PHF21A: variants seen among roughly 807,000 people sequenced by gnomAD.
PHF21A encodes BHC80a.
A neutral mutation model predicts 82.5 loss-of-function variants in PHF21A; 11 were observed. The observed-to-expected ratio is 0.13, with a 90% CI of 0.08 to 0.22. The LOEUF is 0.22. Ranked by LOEUF, PHF21A falls within the 10% of genes least tolerant of loss-of-function variation. The pLI, the probability that PHF21A is intolerant of heterozygous loss-of-function variation, is 1.00. For synonymous variants in PHF21A, 297 were observed against 302.8 expected (o/e 0.98, Z 0.20); for missense variants, 579 against 837.8 (o/e 0.69, Z 3.81).
intron 6 of PHF21A, among the ~76,000 whole-genome samples, chr11:46,016,522 A>G (rs2095520446): frequency 6.6e-6 from 1 of 152,098 alleles, no homozygotes; most frequent in Admixed American, 6.6e-5. Context: ...CCCATTCTAG[A>G]AGACCTAGAT....
intron 15 of PHF21A, 75 bp from the exon 16 acceptor site, chr11:45,938,387 T>C (rs1486393161): frequency 8.5e-7 from 1 of 1,181,672 alleles, no homozygotes; most frequent in South Asian, 1.4e-5. Context: ...ACATTCTAGA[T>C]GCATATAAAT....
chr11:45,956,709 G>T (rs2092667412), intron 10 of PHF21A, among the ~76,000 whole-genome samples: 1 of 152,000 alleles, frequency 6.6e-6, no homozygotes, highest in African/African-American at 2.4e-5. Context: ...GCATGAAAAT[G>T]ACACACTAAG....
At chr11:46,046,293 T>C (rs1592445329) in intron 6 of PHF21A, among the ~76,000 whole-genome samples, 1 of 152,278 alleles carries the variant, frequency 6.6e-6, no homozygotes, top group Middle Eastern at 3.4e-3. Flanking sequence ...GCCATCCTCC[T>C]ATGGGGCAGC....
chr11:46,062,288 T>C (rs1355785834), intron 6 of PHF21A, among the ~76,000 whole-genome samples: 1 of 152,136 alleles, frequency 6.6e-6, no homozygotes, highest in African/African-American at 2.4e-5. Flanking sequence ...TGGCTGGTTT[T>C]CTCTTCTCCA....
chr11:45,984,468 T>C (rs1467743975), intron 6 of PHF21A, among the ~76,000 whole-genome samples: 1 of 152,200 alleles, frequency 6.6e-6, no homozygotes, highest in Non-Finnish European at 1.5e-5. Context: ...CCAAGACAGG[T>C]AGTCACGGTG....
chr11:45,954,633 C>T (rs1565234804), intron 10 of PHF21A, among the ~76,000 whole-genome samples: 1 of 152,130 alleles, frequency 6.6e-6, no homozygotes, highest in South Asian at 2.1e-4. Context: ...GTAGACTGGG[C>T]TTGCATTCCT....
Position 45,946,171 on chromosome 11 carries a change from A to G in PHF21A, c.1289-168T>C, listed in dbSNP as rs773965504. The G allele has an allele frequency of 3.4e-4, 497 of 1,467,840 alleles. 2 individuals are homozygous for G. The highest frequency in any genetic ancestry group is 4.5e-4 in the Non-Finnish European group (473 of 1,060,950). 90.9% of individuals were successfully genotyped at this position (1,467,840 alleles called of 1,614,324 possible). A position where few individuals can be genotyped will look rare whatever the true frequency, so the allele number is the denominator to read the frequency against. Reference sequence around the variant, plus strand: ...AGTCCCAAAGGAAGGAAGAGAAGCAAAGATTTAAATGTCATTAGAAACAAC... The same window carrying G: ...AGTCCCAAAGGAAGGAAGAGAAGCAGAGATTTAAATGTCATTAGAAACAAC... On this transcript the variant is annotated intron_variant, in intron 14 of 18. Transcript: ENST00000676320.
intron 1 of PHF21A, among the ~76,000 whole-genome samples, chr11:46,107,526 C>T (rs1376851909): frequency 6.6e-6 from 1 of 152,152 alleles, no homozygotes; most frequent in Non-Finnish European, 1.5e-5. Context: ...CTACATTCTA[C>T]CAGGTCCAAT....
rs972136533 is a variant in PHF21A at position 45,930,429 on chromosome 11, C to G, written c.*3539G>C. The stretch of plus-strand genomic sequence containing the variant: ...AGGGCGGCCCCACCAGGGACTGCCC[C>G]TAACTGCCTCCCTATGTCAGGTACA... On this transcript the variant is annotated 3_prime_UTR_variant, in exon 19 of 19. Coordinates refer to ENST00000676320, the MANE Select transcript of PHF21A (RefSeq NM_001352027.3). 1.2e-4 allele frequency: 18 copies of G among 152,330 alleles called. No homozygotes were observed. Among genetic ancestry groups the G allele is most frequent in the African/African-American group, 4.3e-4 (18 of 41,458 alleles). The allele number at this position is 152,330 out of a possible 1,614,324, so 9.4% of individuals were successfully genotyped here.
At chr11:45,970,195 A>AT (rs2093668423) in intron 8 of PHF21A, 1 of 314,882 alleles carries the variant, frequency 3.2e-6, no homozygotes, top group African/African-American at 2.2e-5. Context: ...GAACTTTTGC[A>AT]TTAACATATT....
intron 6 of PHF21A, among the ~76,000 whole-genome samples, chr11:46,058,733 C>T (rs1408394540): frequency 1.3e-5 from 2 of 152,150 alleles, no homozygotes; most frequent in Admixed American, 6.5e-5. Context: ...CATGTCTGTA[C>T]TAGTAATATG....
intron 6 of PHF21A, among the ~76,000 whole-genome samples, chr11:46,060,639 C>T (rs890550197): frequency 3.3e-5 from 5 of 152,126 alleles, no homozygotes; most frequent in South Asian, 2.1e-4. Context: ...AGTGTCTGTT[C>T]GTGTCCTTTG....
intron 10 of PHF21A, among the ~76,000 whole-genome samples, chr11:45,955,018 C>A (rs2092515936): frequency 6.6e-6 from 1 of 152,216 alleles, no homozygotes; most frequent in South Asian, 2.1e-4. Context: ...AAAGCGTAAG[C>A]ATCTGCCTTA....
At chr11:45,977,814 ATTGCTTTTTTCTTTT>A (rs1296763344) in intron 7 of PHF21A, among the ~76,000 whole-genome samples, 1 of 147,292 alleles carries the variant, frequency 6.8e-6, no homozygotes, top group Non-Finnish European at 1.5e-5. Flanking sequence ...CAGTATTGGT[ATTGCTTTTTTCTTTT>A]TTTTCTTCTT....
chr11:46,006,629 G>C (rs993858218), intron 6 of PHF21A, among the ~76,000 whole-genome samples: 4 of 152,206 alleles, frequency 2.6e-5, no homozygotes, highest in African/African-American at 7.2e-5. Context: ...CATCTAGTGG[G>C]ATCAGTGAGA....
At chr11:45,937,136 A>C (rs1433604703) in intron 16 of PHF21A, among the ~76,000 whole-genome samples, 1 of 152,238 alleles carries the variant, frequency 6.6e-6, no homozygotes, top group African/African-American at 2.4e-5. Flanking sequence ...CTGCAGGATG[A>C]GGACAATATT....
intron 6 of PHF21A, among the ~76,000 whole-genome samples, chr11:46,051,470 TC>T (rs1429704050): frequency 1.3e-5 from 2 of 152,164 alleles, no homozygotes; most frequent in African/African-American, 2.4e-5. Context: ...TACTAGGCCT[TC>T]ATTTCCAGTG....
chr11:46,024,774 T>G (rs1156468439), intron 6 of PHF21A, among the ~76,000 whole-genome samples: 3 of 152,094 alleles, frequency 2.0e-5, no homozygotes, highest in Admixed American at 2.0e-4. Flanking sequence ...CACTCCAGCC[T>G]GGGTGACCAA....
At chr11:45,992,456 C>T (rs1021253218) in intron 6 of PHF21A, among the ~76,000 whole-genome samples, 9 of 152,134 alleles carry the variant, frequency 5.9e-5, no homozygotes, top group Middle Eastern at 6.8e-3. Context: ...AGGAGAATGG[C>T]GTGAACCCAG....
Sources: allele counts gnomAD v4.1 joint callset (sites outside exome capture counted in the v4.1 genomes callset), GRCh38; gene constraint gnomAD v4.1.1; transcripts MANE v1.5; gene names NCBI Gene and HGNC (gene_info 2026-07-23, HGNC 2026-07-21).